The following NCALD variants were observed in gnomAD, a reference collection of about 807,000 sequenced individuals.
NCALD encodes neurocalcin delta.
Under a neutral mutation model 18.6 loss-of-function variants are expected in NCALD, and 10 were observed. The observed-to-expected ratio is 0.54, with a 90% confidence interval of 0.33 to 0.91. The LOEUF (loss-of-function observed/expected upper bound fraction) is 0.91. Ranked by LOEUF, NCALD falls within the 40% of genes least tolerant of loss-of-function variation. NCALD has a pLI of 0.03. For synonymous variants in NCALD, 88 were observed against 87.4 expected (o/e 1.01, Z -0.04); for missense variants, 184 against 247.6 (o/e 0.74, Z 1.72).
intron 1 of NCALD, among the ~76,000 whole-genome samples, chr8:101,787,658 C>A (rs1563769984): frequency 6.6e-6 from 1 of 152,092 alleles, no homozygotes; most frequent in African/African-American, 2.4e-5. Flanking sequence ...ACTATTAATA[C>A]CCCCTGTATT....
intron 2 of NCALD, among the ~76,000 whole-genome samples, chr8:101,964,664 T>G (rs1819956943): frequency 6.6e-6 from 1 of 152,198 alleles, no homozygotes; most frequent in Non-Finnish European, 1.5e-5. Context: ...TGGTGAATAG[T>G]GAGCCAATCT....
intron 1 of NCALD, among the ~76,000 whole-genome samples, chr8:101,738,567 AAAAAAG>A (rs1323641675): frequency 2.9e-4 from 43 of 150,378 alleles, no homozygotes; most frequent in African/African-American, 7.8e-4. Flanking sequence ...AAAAAAAAAA[AAAAAAG>A]AAGAAGAAGA....
At chr8:101,834,315 C>T (rs1814316735) in intron 4 of NCALD, among the ~76,000 whole-genome samples, 1 of 152,230 alleles carries the variant, frequency 6.6e-6, no homozygotes, top group African/African-American at 2.4e-5. Context: ...CACCCAGCTG[C>T]CCCAGGAATG....
intron 4 of NCALD, among the ~76,000 whole-genome samples, chr8:101,833,485 A>T (rs1209089181): frequency 6.6e-6 from 1 of 152,216 alleles, no homozygotes; most frequent in Non-Finnish European, 1.5e-5. Context: ...AGACTGTCCA[A>T]ACTGCCTTGG....
At chr8:101,922,163 A>C (rs940521268) in intron 2 of NCALD, among the ~76,000 whole-genome samples, 1 of 152,154 alleles carries the variant, frequency 6.6e-6, no homozygotes, top group African/African-American at 2.4e-5. Flanking sequence ...TGAAAAAAAA[A>C]AATGGTGTCT....
At chr8:102,084,271 T>G (rs1157114814) in intron 1 of NCALD, among the ~76,000 whole-genome samples, 4 of 152,260 alleles carry the variant, frequency 2.6e-5, no homozygotes, top group African/African-American at 9.6e-5. Flanking sequence ...AGTAGGTTAA[T>G]GGCCGCGAAT....
intron 1 of NCALD, among the ~76,000 whole-genome samples, chr8:102,091,371 A>G (rs186914483): frequency 2.9e-4 from 44 of 152,318 alleles, no homozygotes; most frequent in African/African-American, 6.3e-4. Flanking sequence ...TTTTAGTCTT[A>G]GTTGTTTTTG....
intron 4 of NCALD, among the ~76,000 whole-genome samples, chr8:101,849,478 C>A (rs1360220516): frequency 1.3e-5 from 2 of 152,038 alleles, no homozygotes; most frequent in Non-Finnish European, 2.9e-5. Context: ...AAATACGGAG[C>A]TATGAATTTG....
chr8:102,028,341 C>T lies in NCALD; in HGVS notation c.-209-8052G>A, dbSNP rs369191815. ...ATGACTACGTACTATTTTCTATCAA[C>T]TTTTCTGTAGGTTAATTTTTTAAAT... On this transcript the variant is annotated intron_variant, in intron 1 of 6. Coordinates refer to the NCALD transcript ENST00000311028. Among the ~76,000 whole-genome samples the T allele has an allele frequency of 9.2e-5, 14 of 152,296 alleles. No homozygotes were observed. In the East Asian group the frequency reaches 2.5e-3, roughly 27 times the overall value.
chr8:101,800,642 A>G (rs1812803749), intron 4 of NCALD, among the ~76,000 whole-genome samples: 1 of 151,766 alleles, frequency 6.6e-6, no homozygotes, highest in South Asian at 2.1e-4. Flanking sequence ...ACACACTTTG[A>G]AATCAAGAGT....
chr8:102,084,605 G>C (rs1379441494), intron 1 of NCALD, among the ~76,000 whole-genome samples: 2 of 152,136 alleles, frequency 1.3e-5, no homozygotes, highest in East Asian at 3.8e-4. Context: ...CACTTGGGAG[G>C]GGCGCCACAC....
chr8:102,017,159 C>T (rs1351126955), intron 2 of NCALD, among the ~76,000 whole-genome samples: 1 of 151,862 alleles, frequency 6.6e-6, no homozygotes, highest in Non-Finnish European at 1.5e-5. Flanking sequence ...AATTGGAGTA[C>T]CAAACAGGGG....
chr8:101,724,335 G>T (rs565635668), intron 1 of NCALD, among the ~76,000 whole-genome samples: 15 of 152,332 alleles, frequency 9.8e-5, no homozygotes, highest in African/African-American at 3.6e-4. Flanking sequence ...AAAGTTTGTA[G>T]ATAACTCAGA....
At position 101,989,827 on chromosome 8, in the gene NCALD, G is replaced by A. The variant is rs537122340; in HGVS notation, c.-157+30410C>T. Among the ~76,000 whole-genome samples, 11 of 152,200 alleles carry A rather than the reference G, an allele frequency of 7.2e-5. No homozygotes were observed. The South Asian group carries it at 2.1e-3, about 29-fold the overall frequency. On this transcript the variant is annotated intron_variant, in intron 2 of 6. Transcript: ENST00000311028. ...AAGAGATCTGGTCCTAGGCCCTCTC[G>A]TTCTCCTGGTTATAGTACAGAAATG...
chr8:101,986,105 A>T (rs899194332), intron 2 of NCALD, among the ~76,000 whole-genome samples: 1 of 152,018 alleles, frequency 6.6e-6, no homozygotes, highest in East Asian at 1.9e-4. Context: ...ATCTTGGCTC[A>T]CTGCAACCTC....
intron 1 of NCALD, among the ~76,000 whole-genome samples, chr8:102,044,482 A>G (rs1823168843): frequency 6.7e-6 from 1 of 149,660 alleles, no homozygotes; most frequent in East Asian, 1.9e-4. Flanking sequence ...TATTGAGCAG[A>G]CATTTCTGCG....
chr8:102,108,631 AC>A (rs1355026494), intron 1 of NCALD, among the ~76,000 whole-genome samples: 1 of 152,174 alleles, frequency 6.6e-6, no homozygotes, highest in African/African-American at 2.4e-5. Flanking sequence ...CTACAACAAT[AC>A]TAAAGTAATT....
intron 4 of NCALD, among the ~76,000 whole-genome samples, chr8:101,865,119 T>G (rs1815715563): frequency 6.6e-6 from 1 of 152,204 alleles, no homozygotes; most frequent in African/African-American, 2.4e-5. Flanking sequence ...CATGCACATC[T>G]AAGATTATGT....
intron 2 of NCALD, among the ~76,000 whole-genome samples, chr8:101,713,258 C>G (rs1015833871): frequency 6.6e-6 from 1 of 152,186 alleles, no homozygotes; most frequent in Admixed American, 6.5e-5. Flanking sequence ...ATCAGAATCT[C>G]TGGGACACAG....
Sources: allele counts gnomAD v4.1 joint callset (sites outside exome capture counted in the v4.1 genomes callset), GRCh38; gene constraint gnomAD v4.1.1; transcripts MANE v1.5; gene names NCBI Gene and HGNC (gene_info 2026-07-23, HGNC 2026-07-21).